AP3D1: variants seen among roughly 807,000 people sequenced by gnomAD.
The protein encoded by AP3D1 is adaptor related protein complex 3 subunit delta 1, also known as AP-3 complex subunit delta-1.
Under a neutral mutation model 147.6 loss-of-function variants are expected in AP3D1, and 51 were observed. The observed-to-expected ratio is 0.35, with a 90% CI of 0.28 to 0.44. The LOEUF (loss-of-function observed/expected upper bound fraction) is 0.44, where lower values mean the gene tolerates loss of function less well. Among genes scored for constraint, AP3D1 ranks in the 20% least tolerant of loss-of-function variants. The probability of loss-of-function intolerance (pLI) is 1.00; values close to 1 mark genes in which losing one functional copy is unlikely to be tolerated. For synonymous variants in AP3D1, 760 were observed against 663.0 expected (o/e 1.15, Z -2.25); for missense variants, 1,421 against 1,624.2 (o/e 0.87, Z 2.15).
chr19:2,109,764 G>T, intron 29 of AP3D1, 109 bp downstream of exon 29: 2 of 1,070,604 alleles, frequency 1.9e-6, no homozygotes, highest in Non-Finnish European at 2.8e-6. Context: ...CTCCAAATCC[G>T]TCTCTAAAGT....
intron 5 of AP3D1, among the ~76,000 whole-genome samples, chr19:2,131,574 C>T (rs1187854968): frequency 7.0e-6 from 1 of 143,512 alleles, no homozygotes; most frequent in Non-Finnish European, 1.5e-5. Context: ...CAGCGCCCAT[C>T]GGCCACGATC....
Position 2,114,226 on chromosome 19 carries a change from C to T in AP3D1, c.2500G>A (p.Val834Ile), listed in dbSNP as rs371027296. The stretch of plus-strand genomic sequence containing the variant: ...TTGCTCTTCTTTTCTACCATGGGAA[C>T]GTCCTTCTCAGGGGATTTTGAGGTC... Reference protein sequence around the residue: ...TETSKSPEKDVPMVEKKSKKP... With the variant: ...TETSKSPEKDIPMVEKKSKKP... Residue 834 changes from valine (V) to isoleucine (I), a missense_variant, in exon 22 of 32, where the codon GTT becomes ATT. By Grantham distance (29) the Val-to-Ile change is conservative (BLOSUM62 3). Transcript: ENST00000643116. The T allele has an allele frequency of 2.4e-5, 39 of 1,613,208 alleles. No homozygotes were observed. In the African/African-American group the frequency reaches 4.3e-4, roughly 18 times the overall value.
At chr19:2,114,727 C>G in intron 21 of AP3D1, 21 bp downstream of exon 21, 1 of 1,612,042 alleles carries the variant, frequency 6.2e-7, no homozygotes, top group Non-Finnish European at 8.5e-7. Flanking sequence ...CCACCCTCAC[C>G]CTGAACCCAT....
chr19:2,155,957 G>T (rs1430141152), upstream of AP3D1, among the ~76,000 whole-genome samples: 1 of 151,698 alleles, frequency 6.6e-6, no homozygotes. Context: ...GGAGGCTGAG[G>T]CAGGAGAATG....
intron 4 of AP3D1, among the ~76,000 whole-genome samples, chr19:2,134,752 C>T (rs2019035080): frequency 6.6e-6 from 1 of 151,604 alleles, no homozygotes; most frequent in African/African-American, 2.4e-5. Context: ...TAGGCACGCA[C>T]CACCACGCCC....
intron 8 of AP3D1, 140 bp from the exon 9 acceptor site, chr19:2,127,341 C>T: frequency 2.4e-6 from 2 of 827,134 alleles, no homozygotes; most frequent in Non-Finnish European, 3.9e-6. Flanking sequence ...CCGTGCCTTG[C>T]TCTCCAAGGC....
chr19:2,113,714 C>A (rs940970121), intron 22 of AP3D1, among the ~76,000 whole-genome samples: 1 of 152,250 alleles, frequency 6.6e-6, no homozygotes, highest in Admixed American at 6.5e-5. Flanking sequence ...GGCCACCTGA[C>A]GTGGGTGTGG....
In AP3D1 at chr19:2,124,932, T is replaced by C. The variant is rs563644508; in HGVS notation, c.857-1053A>G. 2.0e-5 allele frequency among the ~76,000 whole-genome samples: 3 copies of C among 151,934 alleles called. No individual in the cohort carries two copies. In the East Asian group the frequency reaches 5.8e-4, roughly 29 times the overall value. On this transcript the variant is annotated intron_variant, in intron 9 of 31. Coordinates refer to ENST00000643116, the MANE Select transcript of AP3D1 (RefSeq NM_001261826.3). ...CCAGCCTGGGCAACAAGAGAGAAAC[T>C]CCGCGATCCCCCCCACCGCCCCAAA... is the stretch of plus-strand genomic sequence containing the variant.
chr19:2,129,908 G>C (rs1368018542), intron 6 of AP3D1, among the ~76,000 whole-genome samples: 1 of 152,182 alleles, frequency 6.6e-6, no homozygotes, highest in African/African-American at 2.4e-5. Context: ...CAGGGCCTTG[G>C]GATTCCTGTG....
chr19:2,105,056 G>T (rs1490746524), intron 31 of AP3D1, among the ~76,000 whole-genome samples: 3 of 152,198 alleles, frequency 2.0e-5, no homozygotes, highest in African/African-American at 7.2e-5. Flanking sequence ...GATACAAGAA[G>T]GGCCCAGTGG....
intron 28 of AP3D1, 45 bp from the exon 29 acceptor site, chr19:2,110,003 C>A (rs1555700166): frequency 6.2e-7 from 1 of 1,605,886 alleles, no homozygotes. Context: ...GAGTCGGGCC[C>A]AGCTCAGGGC....
In AP3D1 at chr19:2,115,597, G is replaced by A. The variant is rs140741000; in HGVS notation, c.2090C>T (p.Pro697Leu). The A allele has an allele frequency of 1.5e-4, 240 of 1,612,826 alleles. No individual in the cohort carries two copies. The highest frequency in any genetic ancestry group is 6.9e-4 in the South Asian group (63 of 91,082). Reference protein sequence around the residue: ...PSPQKRYQDTPGVEHIPVVQI... With the variant: ...PSPQKRYQDTLGVEHIPVVQI... ...CACCACGGGAATGTGCTCCACGCCC[G>A]GGGTGTCCTGGTACCGCTGCAAAGG... is the stretch of plus-strand genomic sequence containing the variant. Residue 697 changes from proline (P) to leucine (L), a missense_variant, in exon 19 of 32, where the codon CCG (proline) becomes CTG (leucine). By Grantham distance (98) the Pro-to-Leu change is moderately conservative. Coordinates refer to ENST00000643116, the MANE Select transcript of AP3D1 (RefSeq NM_001261826.3).
At chr19:2,136,580 CT>C (rs1281644739) in intron 4 of AP3D1, among the ~76,000 whole-genome samples, 3 of 152,166 alleles carry the variant, frequency 2.0e-5, no homozygotes, top group Non-Finnish European at 4.4e-5. Flanking sequence ...TTACATGGTG[CT>C]GAAAAATGCA....
Position 2,129,450 on chromosome 19 carries a change from C to G in AP3D1, c.600G>C (p.Gln200His), listed in dbSNP as rs770081661. 1.2e-6 allele frequency: 2 copies of G among 1,613,736 alleles called. No individual in the cohort carries two copies. Among genetic ancestry groups the G allele is most frequent in the Non-Finnish European group, 1.7e-6 (2 of 1,179,810 alleles). The part of the protein sequence containing the change: ...EKLEDPDPGV[Q>H]SAAVNVICEL... Reference sequence around the variant, plus strand: ...CGCAGATGACATTGACGGCAGCCGACTGAACCCCTGGGGAACAAGGGGTTC... The same window carrying G: ...CGCAGATGACATTGACGGCAGCCGAGTGAACCCCTGGGGAACAAGGGGTTC... Residue 200 changes from glutamine to histidine, a missense_variant, in exon 7 of 32, where the codon CAG becomes CAC. This residue lies in a region of AP3D1 where 292 missense variants were observed against 412.0 expected (regional missense o/e 0.71). Transcript: ENST00000643116.
chr19:2,112,035 G>C lies in AP3D1; in HGVS notation c.2788-207C>G. On this transcript the variant is annotated intron_variant, in intron 24 of 31. Transcript: ENST00000643116. ...GAGGCTGGGGCCGTCTCTGGTTGGC[G>C]GCAAGCGCCAAAGCAGCCCGGGGAA... The C allele has an allele frequency of 5.3e-6, 4 of 758,184 alleles. No homozygotes were observed. In the South Asian group the frequency reaches 7.5e-5, roughly 14 times the overall value. 47.0% of individuals were successfully genotyped at this position (758,184 alleles called of 1,614,324 possible). A position where few individuals can be genotyped will look rare whatever the true frequency, so the allele number is the denominator to read the frequency against.
rs1486909825 is a variant in AP3D1, at chr19:2,121,810, T to C, written c.1025A>G (p.Lys342Arg). The C allele has an allele frequency of 1.2e-6, 2 of 1,613,190 alleles. No individual in the cohort carries two copies. Among genetic ancestry groups the C allele is most frequent in the Non-Finnish European group, 8.5e-7 (1 of 1,179,686 alleles). ...KTHPKSVQSH[K>R]DLILQCLDDK... Reference sequence around the variant, plus strand: ...GTCCAGGCACTGCAGGATGAGGTCCTTGTGGGACTGCACGGACTTGGGGTG... The same window carrying C: ...GTCCAGGCACTGCAGGATGAGGTCCCTGTGGGACTGCACGGACTTGGGGTG... Residue 342 changes from lysine (K) to arginine (R), a missense_variant, in exon 12 of 32, where the codon AAG becomes AGG. Transcript: ENST00000643116.
At chr19:2,137,979 C>T (rs1400796004) in intron 2 of AP3D1, among the ~76,000 whole-genome samples, 172 bp from the exon 3 acceptor site, 2 of 152,180 alleles carry the variant, frequency 1.3e-5, no homozygotes, top group Non-Finnish European at 2.9e-5. Flanking sequence ...TTTTGACAAA[C>T]GACTCTGACA....
At chr19:2,121,419 C>A in intron 12 of AP3D1, 108 bp from the exon 13 acceptor site, 1 of 1,388,196 alleles carries the variant, frequency 7.2e-7, no homozygotes, top group Non-Finnish European at 9.9e-7. Flanking sequence ...CACAGGCGGA[C>A]CCGGATTCAC....
chr19:2,117,306 A>C lies in AP3D1; in HGVS notation c.1775T>G (p.Val592Gly), dbSNP rs771632538. 1 of 1,612,930 alleles carries C rather than the reference A, an allele frequency of 6.2e-7. No homozygotes were observed. Among genetic ancestry groups the C allele is most frequent in the Non-Finnish European group, 8.5e-7 (1 of 1,179,796 alleles). ...AAAGAGAGCGCTGACCTCCTCTGCCACAGGCACGTCCTTGGCCTGAAGCTT... is the reference window on the plus strand; with the variant it reads ...AAAGAGAGCGCTGACCTCCTCTGCCCCAGGCACGTCCTTGGCCTGAAGCTT... ...IQKLQAKDVP[V>G]AEEVSALFAG... Residue 592 changes from valine (V) to glycine (G), a missense_variant, in exon 16 of 32, where the codon GTG becomes GGG. Transcript: ENST00000643116.
Sources: allele counts gnomAD v4.1 joint callset (sites outside exome capture counted in the v4.1 genomes callset), GRCh38; gene constraint gnomAD v4.1.1; regional missense constraint gnomAD v4.1.1; transcripts MANE v1.5; gene names NCBI Gene and HGNC (gene_info 2026-07-23, HGNC 2026-07-21).